Variants in RYR3 observed in about 807,000 individuals in gnomAD.
RYR3 encodes the protein brain ryanodine receptor-calcium release channel.
Under a neutral mutation model 584.3 loss-of-function variants are expected in RYR3, and 207 were observed. The observed-to-expected ratio is 0.35, with a 90% CI of 0.32 to 0.40. RYR3 has a LOEUF of 0.40. Ranked by LOEUF, RYR3 falls within the 10% of genes least tolerant of loss-of-function variation. The pLI, the probability that RYR3 is intolerant of heterozygous loss-of-function variation, is 1.00. For missense variants in RYR3, 5,616 were observed against 6,089.2 expected, an observed-to-expected ratio of 0.92 and a Z score of 2.59; for synonymous variants, 2,416 against 2,248.5, an observed-to-expected ratio of 1.07 and a Z score of -2.11.
chr15:33,407,843 G>A (rs760745990), intron 1 of RYR3, among the ~76,000 whole-genome samples: 2 of 152,102 alleles, frequency 1.3e-5, no homozygotes, highest in Non-Finnish European at 2.9e-5. Context: ...GGTTATTAAG[G>A]TTAGTTAACA....
At chr15:33,484,613 A>G (rs1288872101) in intron 2 of RYR3, among the ~76,000 whole-genome samples, 4 of 139,918 alleles carry the variant, frequency 2.9e-5, no homozygotes, top group Non-Finnish European at 6.4e-5. Flanking sequence ...CTTGGATTAC[A>G]TTGAATTCAG....
intron 98 of RYR3, among the ~76,000 whole-genome samples, chr15:33,857,358 CTCTG>C (rs1322991536): frequency 3.3e-5 from 5 of 152,064 alleles, no homozygotes; most frequent in Non-Finnish European, 7.3e-5. Context: ...TAGCCTCTCT[CTCTG>C]TGTCTCCAAC....
At chr15:33,861,998 A>G (rs1205527482) in intron 102 of RYR3, among the ~76,000 whole-genome samples, 1 of 152,166 alleles carries the variant, frequency 6.6e-6, no homozygotes, top group East Asian at 1.9e-4. Flanking sequence ...CACTTATTCT[A>G]CGGTAAAGCA....
At chr15:33,427,742 T>C (rs2044764777) in intron 1 of RYR3, among the ~76,000 whole-genome samples, 1 of 152,152 alleles carries the variant, frequency 6.6e-6, no homozygotes, top group South Asian at 2.1e-4. Context: ...AAGCCAGATG[T>C]AGAAAGAGCA....
Position 33,724,192 on chromosome 15 carries a change from T to C in RYR3, c.6912+16T>C. On this transcript the variant is annotated intron_variant, in intron 45 of 103. Coordinates refer to ENST00000634891, the MANE Select transcript of RYR3 (RefSeq NM_001036.6). Reference sequence around the variant, plus strand: ...TGAAATGCACGTAAGTGATACAGCTTCCAGAGAACAGCTTTGAGAAACCTA... The same window carrying C: ...TGAAATGCACGTAAGTGATACAGCTCCCAGAGAACAGCTTTGAGAAACCTA... The C allele has an allele frequency of 7.1e-7, 1 of 1,405,426 alleles. No homozygotes were observed. The highest frequency in any genetic ancestry group is 1.0e-6 in the Non-Finnish European group (1 of 995,038). 87.1% of individuals were successfully genotyped at this position (1,405,426 alleles called of 1,614,324 possible). A position where few individuals can be genotyped will look rare whatever the true frequency, so the allele number is the denominator to read the frequency against.
intron 1 of RYR3, among the ~76,000 whole-genome samples, chr15:33,415,007 A>G (rs902377637): frequency 3.2e-4 from 48 of 152,132 alleles, no homozygotes; most frequent in African/African-American, 1.1e-3. Context: ...GATTAATAAG[A>G]CACTCTGTCC....
intron 102 of RYR3, among the ~76,000 whole-genome samples, chr15:33,863,454 C>G (rs1477053187): frequency 6.6e-6 from 1 of 152,148 alleles, no homozygotes; most frequent in African/African-American, 2.4e-5. Context: ...TCTACTTTCT[C>G]ATATCACCAA....
intron 58 of RYR3, among the ~76,000 whole-genome samples, chr15:33,755,655 A>T (rs9672919): frequency 0.052 from 7,911 of 152,318 alleles, 666 homozygotes; most frequent in African/African-American, 0.18. Context: ...CTTAGTTTTT[A>T]TAGTGGACTT....
At chr15:33,425,637 A>ATTTTTTTTTTT (rs68182512) in intron 1 of RYR3, among the ~76,000 whole-genome samples, 2 of 121,804 alleles carry the variant, frequency 1.6e-5, no homozygotes, top group East Asian at 3.0e-4. Flanking sequence ...GAGACTCACA[A>ATTTTTTTTTTT]TTTTTTTTTT....
Position 33,834,976 on chromosome 15 carries a change from C to T in RYR3, c.11472C>T (p.Cys3824=), listed in dbSNP as rs747283494. ...TGTCCTCTTCTCTGCAGGGCCCTTGCATTGGTAATCAACAGAGCCTGGCTC... is the reference window on the plus strand; with the variant it reads ...TGTCCTCTTCTCTGCAGGGCCCTTGTATTGGTAATCAACAGAGCCTGGCTC... The part of the protein sequence containing the change: ...NSLTEYIQGP[C]IGNQQSLAHS... Residue 3824 remains cysteine, a synonymous_variant, in exon 87 of 104, where the codon TGC becomes TGT. Coordinates refer to ENST00000634891, the MANE Select transcript of RYR3 (RefSeq NM_001036.6). The T allele has an allele frequency of 1.1e-5, 18 of 1,613,852 alleles. No individual in the cohort carries two copies. The East Asian group carries it at 3.3e-4, about 30-fold the overall frequency.
rs564669612 is a variant in RYR3, at chr15:33,351,887, A to G, written c.51+40791A>G. ...CCCTCTCTCACCACTCCTATTCAAC[A>G]TAGTGTTGGAAGTTCTGGCCAGGGC... is the stretch of plus-strand genomic sequence containing the variant. On this transcript the variant is annotated intron_variant, in intron 1 of 103. Coordinates refer to ENST00000634891, the MANE Select transcript of RYR3 (RefSeq NM_001036.6). Among the ~76,000 whole-genome samples the G allele has an allele frequency of 1.2e-3, 175 of 151,024 alleles. 1 individual carries two copies. Among genetic ancestry groups the G allele is most frequent in the Middle Eastern group, 3.4e-3 (1 of 292 alleles).
chr15:33,720,039 C>T (rs2067793533), intron 43 of RYR3, among the ~76,000 whole-genome samples: 1 of 152,132 alleles, frequency 6.6e-6, no homozygotes. Flanking sequence ...AACTTCTTTA[C>T]AAAAATTTTA....
At chr15:33,729,570 A>G (rs953732570) in intron 47 of RYR3, among the ~76,000 whole-genome samples, 2 of 152,208 alleles carry the variant, frequency 1.3e-5, no homozygotes, top group South Asian at 4.1e-4. Context: ...GACGAAGGTC[A>G]ATACAAGAGG....
Position 33,649,104 on chromosome 15 carries a change from A to G in RYR3, c.4011A>G (p.Gly1337=). Residue 1337 remains glycine, a synonymous_variant, in exon 31 of 104, where the codon GGA becomes GGG. Transcript: ENST00000634891. ...QCYYAIRIFA[G]QDPSCVWVGW... is the part of the protein sequence containing the mutation. The stretch of plus-strand genomic sequence containing the variant: ...ACTACGCCATCCGCATCTTTGCTGG[A>G]CAGGATCCATCCTGTGTCTGGGTCG... 1 of 1,613,668 alleles carries G rather than the reference A, an allele frequency of 6.2e-7. No individual in the cohort carries two copies. The highest frequency in any genetic ancestry group is 8.5e-7 in the Non-Finnish European group (1 of 1,179,850).
In RYR3 at chr15:33,815,943, C is replaced by T. The variant is rs1308055929; in HGVS notation, c.10503-919C>T. On this transcript the variant is annotated intron_variant, in intron 74 of 103. Transcript: ENST00000634891. ...TATACCCATTTTAATGGTAATGTAA[C>T]CTGTGGAGAGACCTGCTCATTCTCT... 2.0e-5 allele frequency: 8 copies of T among 398,506 alleles called. No homozygotes were observed. The Admixed American group carries it at 3.1e-4, about 15-fold the overall frequency. The allele number at this position is 398,506 out of a possible 1,614,324, so 24.7% of individuals were successfully genotyped here. A position where few individuals can be genotyped will look rare whatever the true frequency, so the allele number is the denominator to read the frequency against.
intron 95 of RYR3, 85 bp downstream of exon 95, chr15:33,853,172 T>A: frequency 8.9e-7 from 1 of 1,129,312 alleles, no homozygotes; most frequent in African/African-American, 1.6e-5. Flanking sequence ...CAAACATGAG[T>A]AAATGTGATG....
rs1308481335 is a variant in RYR3, at chr15:33,826,414, C to A, written c.11164+145C>A. 6 of 870,138 alleles carry A rather than the reference C, an allele frequency of 6.9e-6. No individual in the cohort carries two copies. In the African/African-American group the frequency reaches 8.3e-5, roughly 12 times the overall value. 53.9% of individuals were successfully genotyped at this position (870,138 alleles called of 1,614,324 possible). On this transcript the variant is annotated intron_variant, in intron 83 of 103. Coordinates refer to ENST00000634891, the MANE Select transcript of RYR3 (RefSeq NM_001036.6). ...GTTTGGTACTTAATTAAAGAAGTGTCTTCCATCTGTAAAGCATGGGTTATG... is the reference window on the plus strand; with the variant it reads ...GTTTGGTACTTAATTAAAGAAGTGTATTCCATCTGTAAAGCATGGGTTATG...
intron 3 of RYR3, among the ~76,000 whole-genome samples, chr15:33,508,385 C>G (rs900854713): frequency 6.6e-6 from 1 of 152,072 alleles, no homozygotes; most frequent in Non-Finnish European, 1.5e-5. Flanking sequence ...CGTGGTGGCT[C>G]ACACCTGTAA....
intron 3 of RYR3, among the ~76,000 whole-genome samples, chr15:33,514,461 T>G (rs1000301846): frequency 6.6e-6 from 1 of 151,798 alleles, no homozygotes; most frequent in Non-Finnish European, 1.5e-5. Context: ...CCTTTGGGAG[T>G]TTGCTTTTAA....
Sources: gnomAD v4.1 joint callset for allele counts (sites outside exome capture counted in the v4.1 genomes callset) on GRCh38, gnomAD v4.1.1 for gene constraint, MANE v1.5 for transcripts, NCBI Gene and HGNC (gene_info 2026-07-23, HGNC 2026-07-21) for gene names.